Variants in IGF2BP3 observed in about 807,000 individuals in gnomAD.
IGF2BP3 encodes insulin-like growth factor 2 mRNA-binding protein 3.
Under a neutral mutation model 73.8 loss-of-function variants are expected in IGF2BP3, and 9 were observed. That is an observed-to-expected ratio of 0.12 (90% CI 0.07 to 0.21). The LOEUF is 0.21. Among genes scored for constraint, IGF2BP3 ranks in the 10% least tolerant of loss-of-function variants. IGF2BP3 has a pLI of 1.00. For missense variants in IGF2BP3, 542 were observed against 714.0 expected, an observed-to-expected ratio of 0.76 and a Z score of 2.75; for synonymous variants, 258 against 256.7, an observed-to-expected ratio of 1.01 and a Z score of -0.05.
At chr7:23,421,510 TG>T (rs1191464767) in intron 2 of IGF2BP3, among the ~76,000 whole-genome samples, 3 of 150,968 alleles carry the variant, frequency 2.0e-5, no homozygotes, top group Non-Finnish European at 4.4e-5. Context: ...CTGACCAACA[TG>T]GAGAAACCCC....
intron 2 of IGF2BP3, among the ~76,000 whole-genome samples, chr7:23,442,979 A>C (rs538695150): frequency 1.1e-4 from 16 of 152,134 alleles, no homozygotes; most frequent in Admixed American, 5.9e-4. Flanking sequence ...AAATTTCAGT[A>C]TCTTAAATTA....
intron 2 of IGF2BP3, among the ~76,000 whole-genome samples, chr7:23,440,098 C>T (rs1202129140): frequency 6.6e-6 from 1 of 152,042 alleles, no homozygotes; most frequent in Non-Finnish European, 1.5e-5. Flanking sequence ...CCCGTCTCTA[C>T]TAAAAATACA....
chr7:23,395,634 A>G (rs1053448240), intron 3 of IGF2BP3, among the ~76,000 whole-genome samples: 9 of 151,902 alleles, frequency 5.9e-5, no homozygotes, highest in African/African-American at 2.2e-4. Context: ...AATTAACTGA[A>G]AAACCAACAG....
chr7:23,373,077 C>T (rs1191192008), intron 3 of IGF2BP3, among the ~76,000 whole-genome samples: 1 of 152,216 alleles, frequency 6.6e-6, no homozygotes, highest in Non-Finnish European at 1.5e-5. Context: ...TCAATCCTTA[C>T]TCGGCCATTA....
chr7:23,355,833 T>C (rs930589887), intron 5 of IGF2BP3, among the ~76,000 whole-genome samples: 1 of 151,768 alleles, frequency 6.6e-6, no homozygotes, highest in African/African-American at 2.4e-5. Context: ...CTTGGAAGGC[T>C]GAGGCATGAG....
intron 10 of IGF2BP3, among the ~76,000 whole-genome samples, chr7:23,325,354 C>A (rs561367840): frequency 6.6e-6 from 1 of 152,110 alleles, no homozygotes. Context: ...ACCTAGGAAT[C>A]CAACTTACAA....
In IGF2BP3 at chr7:23,330,549, T is replaced by TA. The variant is rs576502189; in HGVS notation, c.1204-11296dup. 6.1e-4 allele frequency among the ~76,000 whole-genome samples: 92 copies of TA among 152,056 alleles called. 1 individual carries two copies. Among genetic ancestry groups the TA allele is most frequent in the African/African-American group, 2.1e-3 (89 of 41,500 alleles). Reference sequence around the variant, plus strand: ...CTTAAACCTATGATCATCAAAATGCTAAAAAGGGCATCCAGAGACAGTCAG... The same window carrying TA: ...CTTAAACCTATGATCATCAAAATGCTAAAAAAGGGCATCCAGAGACAGTCAG... On this transcript the variant is annotated intron_variant, in intron 10 of 14. Coordinates refer to ENST00000258729, the MANE Select transcript of IGF2BP3 (RefSeq NM_006547.3).
chr7:23,465,018 C>T (rs544276185), intron 2 of IGF2BP3, among the ~76,000 whole-genome samples: 1 of 152,268 alleles, frequency 6.6e-6, no homozygotes, highest in African/African-American at 2.4e-5. Context: ...TGAACTAAAA[C>T]CACCATCCTC....
At chr7:23,336,967 A>T (rs1302503734) in intron 10 of IGF2BP3, among the ~76,000 whole-genome samples, 1 of 152,098 alleles carries the variant, frequency 6.6e-6, no homozygotes, top group South Asian at 2.1e-4. Context: ...AAAAAAAAAG[A>T]AGCAATGATA....
At chr7:23,453,118 A>G (rs540412748) in intron 2 of IGF2BP3, among the ~76,000 whole-genome samples, 3 of 152,134 alleles carry the variant, frequency 2.0e-5, no homozygotes, top group Non-Finnish European at 4.4e-5. Context: ...ACAGAGCGAG[A>G]CTCCGTCTCA....
intron 12 of IGF2BP3, among the ~76,000 whole-genome samples, chr7:23,315,111 A>T (rs898010989): frequency 2.7e-5 from 4 of 149,432 alleles, no homozygotes; most frequent in Admixed American, 6.7e-5. Flanking sequence ...CCTGCCTTTT[A>T]TTTTTTTTTA....
intron 2 of IGF2BP3, among the ~76,000 whole-genome samples, chr7:23,428,795 G>A (rs1008788234): frequency 6.7e-6 from 1 of 149,146 alleles, no homozygotes; most frequent in African/African-American, 2.5e-5. Context: ...TTAGGGACCT[G>A]ACATTGCCCA....
chr7:23,368,165 T>C (rs1368307464), intron 3 of IGF2BP3, among the ~76,000 whole-genome samples: 1 of 152,160 alleles, frequency 6.6e-6, no homozygotes, highest in African/African-American at 2.4e-5. Flanking sequence ...GAATGCTTAC[T>C]GACTGATGAA....
In IGF2BP3 at chr7:23,463,785, A is replaced by G. The variant is rs1170321475; in HGVS notation, c.236+4697T>C. ...TCTAATTTTTTTAAACTCTTATTAA[A>G]ACCAAAGTAAGAAATCTTTCAAGAT... is the stretch of plus-strand genomic sequence containing the variant. On this transcript the variant is annotated intron_variant, in intron 2 of 14. Coordinates refer to ENST00000258729, the MANE Select transcript of IGF2BP3 (RefSeq NM_006547.3). 5.9e-5 allele frequency among the ~76,000 whole-genome samples: 9 copies of G among 152,324 alleles called. No individual in the cohort carries two copies. The East Asian group carries it at 1.5e-3, about 26-fold the overall frequency.
chr7:23,431,714 T>A (rs1787683303), intron 2 of IGF2BP3, among the ~76,000 whole-genome samples: 1 of 152,078 alleles, frequency 6.6e-6, no homozygotes, highest in African/African-American at 2.4e-5. Context: ...GAGAACCACC[T>A]ATGTTAGAAT....
At chr7:23,456,037 G>C (rs535094329) in intron 2 of IGF2BP3, among the ~76,000 whole-genome samples, 119 of 152,216 alleles carry the variant, frequency 7.8e-4, no homozygotes, top group Middle Eastern at 3.4e-3. Context: ...TCAACTATGA[G>C]CACAGGCACT....
In IGF2BP3 at chr7:23,452,737, G is replaced by T. The variant is rs141125213; in HGVS notation, c.236+15745C>A. On this transcript the variant is annotated intron_variant, in intron 2 of 14. Coordinates refer to ENST00000258729, the MANE Select transcript of IGF2BP3 (RefSeq NM_006547.3). ...GAATCGCTTGAACCCAGGAGGCGGA[G>T]GTTGCAGTGAGCCGAGATCGTGCCA... 2.3e-3 allele frequency among the ~76,000 whole-genome samples: 346 copies of T among 151,564 alleles called. 1 individual carries two copies. The highest frequency in any genetic ancestry group is 8.1e-3 in the African/African-American group (333 of 41,230).
At chr7:23,449,678 C>T (rs1451535010) in intron 2 of IGF2BP3, among the ~76,000 whole-genome samples, 1 of 151,296 alleles carries the variant, frequency 6.6e-6, no homozygotes, top group East Asian at 2.0e-4. Flanking sequence ...GTGCCTCAGC[C>T]TCCTGAGTAG....
chr7:23,368,620 G>A lies in IGF2BP3; in HGVS notation c.286-6879C>T, dbSNP rs190621565. Among the ~76,000 whole-genome samples the A allele has an allele frequency of 2.4e-3, 362 of 152,142 alleles. 2 individuals are homozygous for A. The highest frequency in any genetic ancestry group is 1.0e-3 in the Non-Finnish European group (69 of 68,004). ...CACGTATCTATTAACATACTAGGCC[G>A]GGCGCGGTGGCTCACACCTGTAATC... On this transcript the variant is annotated intron_variant, in intron 3 of 14. Coordinates refer to ENST00000258729, the MANE Select transcript of IGF2BP3 (RefSeq NM_006547.3).
Sources: gnomAD v4.1 joint callset for allele counts (sites outside exome capture counted in the v4.1 genomes callset) on GRCh38, gnomAD v4.1.1 for gene constraint, MANE v1.5 for transcripts, NCBI Gene and HGNC (gene_info 2026-07-23, HGNC 2026-07-21) for gene names.